The following KIAA1217 variants were observed in gnomAD, a reference collection of about 807,000 sequenced individuals.
The protein encoded by KIAA1217 is KIAA1217.
A neutral mutation model predicts 163.9 loss-of-function variants in KIAA1217; 88 were observed. The observed-to-expected ratio is 0.54, with a 90% CI of 0.45 to 0.64. The LOEUF is 0.64. Among genes scored for constraint, KIAA1217 ranks in the 30% least tolerant of loss-of-function variants. The pLI is 0.00. For missense variants in KIAA1217, 2,372 were observed against 2,475.0 expected, an observed-to-expected ratio of 0.96 and a Z score of 0.88; for synonymous variants, 903 against 923.1, an observed-to-expected ratio of 0.98 and a Z score of 0.39.
intron 3 of KIAA1217, among the ~76,000 whole-genome samples, chr10:24,398,410 G>A (rs3858214): frequency 0.027 from 4,094 of 152,174 alleles, 204 homozygotes; most frequent in African/African-American, 0.094. Flanking sequence ...GCAAATATCC[G>A]ACTTATTGGT....
At chr10:23,764,213 T>C (rs1381880412) in intron 1 of KIAA1217, among the ~76,000 whole-genome samples, 1 of 152,072 alleles carries the variant, frequency 6.6e-6, no homozygotes, top group African/African-American at 2.4e-5. Flanking sequence ...AAGCTGAACA[T>C]CACTGCTCAC....
intron 1 of KIAA1217, among the ~76,000 whole-genome samples, chr10:23,939,611 T>C (rs12354677): frequency 0.2 from 30,327 of 151,858 alleles, 3,303 homozygotes; most frequent in Middle Eastern, 0.27. Flanking sequence ...TACATGTTTA[T>C]ATGCACCTAA....
rs995074607 is a variant in KIAA1217 at position 24,395,364 on chromosome 10, C to A, written c.553+14297C>A. 3.3e-5 allele frequency among the ~76,000 whole-genome samples: 5 copies of A among 152,194 alleles called. No individual in the cohort carries two copies. In the South Asian group the frequency reaches 1.0e-3, roughly 31 times the overall value. ...GTAATCTTTTCTTATGCCTTTGTGC[C>A]ACTCTGCACATACATCCCAAGTTAC... is the stretch of plus-strand genomic sequence containing the variant. On this transcript the variant is annotated intron_variant, in intron 3 of 20. Transcript: ENST00000376454.
Position 24,158,861 on chromosome 10 carries a change from T to C in KIAA1217, c.-170-60765T>C, listed in dbSNP as rs1390638420. Reference sequence around the variant, plus strand: ...GAGTGCTGCTGGTTCCTTCGGTTAGTTATATAACTGTTCCTGCAGTATTGG... The same window carrying C: ...GAGTGCTGCTGGTTCCTTCGGTTAGCTATATAACTGTTCCTGCAGTATTGG... On this transcript the variant is annotated intron_variant, in intron 2 of 18. Transcript: ENST00000376462. The C allele has an allele frequency of 2.0e-5, 6 of 306,460 alleles. No individual in the cohort carries two copies. In the South Asian group the frequency reaches 2.2e-4, roughly 11 times the overall value. The allele number at this position is 306,460 out of a possible 1,614,324, so 19.0% of individuals were successfully genotyped here. A position where few individuals can be genotyped will look rare whatever the true frequency, so the allele number is the denominator to read the frequency against.
intron 1 of KIAA1217, among the ~76,000 whole-genome samples, chr10:23,849,307 A>G (rs193163876): frequency 6.6e-6 from 1 of 152,144 alleles, no homozygotes; most frequent in Non-Finnish European, 1.5e-5. Flanking sequence ...TTTTACTTAC[A>G]TAAGCAATCA....
In KIAA1217 at chr10:23,851,067, G is replaced by A. The variant is rs570651129; in HGVS notation, c.-321+155833G>A. Among the ~76,000 whole-genome samples, 298 of 152,108 alleles carry A rather than the reference G, an allele frequency of 2.0e-3. 1 individual carries two copies. The highest frequency in any genetic ancestry group is 6.7e-3 in the African/African-American group (280 of 41,496). On this transcript the variant is annotated intron_variant, in intron 1 of 18. Transcript: ENST00000376462. ...TAGGGTACATGGGCACAATGTGCAG[G>A]TTAGTTACATATGTATACATGTGCC...
chr10:23,823,991 AC>A (rs1172056378), intron 1 of KIAA1217, among the ~76,000 whole-genome samples: 5 of 151,824 alleles, frequency 3.3e-5, no homozygotes, highest in Non-Finnish European at 5.9e-5. Context: ...GGAGGGACAC[AC>A]CGGGCATGGT....
chr10:24,177,425 A>G (rs894466719), intron 2 of KIAA1217, among the ~76,000 whole-genome samples: 3 of 149,692 alleles, frequency 2.0e-5, no homozygotes, highest in African/African-American at 7.4e-5. Flanking sequence ...ATCAGTGGGC[A>G]TTTAGGCTGG....
At chr10:24,310,469 G>A (rs984909336) in intron 2 of KIAA1217, among the ~76,000 whole-genome samples, 3 of 152,198 alleles carry the variant, frequency 2.0e-5, no homozygotes, top group African/African-American at 7.2e-5. Context: ...ACCTGGGGTA[G>A]AACCCCAGAG....
At chr10:24,080,447 G>A (rs554754067) in intron 2 of KIAA1217, among the ~76,000 whole-genome samples, 8 of 152,206 alleles carry the variant, frequency 5.3e-5, no homozygotes, top group Admixed American at 3.3e-4. Context: ...GGATCCTTCC[G>A]GAAACAGCCA....
Position 24,432,977 on chromosome 10 carries a change from T to G in KIAA1217, c.554-18T>G. ...TGAGTCTTGACCTGTGACTAATAAC[T>G]GTTTCCTTTGTGTGCAGGGGTTCTC... On this transcript the variant is annotated intron_variant, in intron 3 of 20. Coordinates refer to ENST00000376454, the MANE Select transcript of KIAA1217 (RefSeq NM_019590.5). The G allele has an allele frequency of 6.2e-7, 1 of 1,610,788 alleles. No individual in the cohort carries two copies. Among genetic ancestry groups the G allele is most frequent in the Non-Finnish European group, 8.5e-7 (1 of 1,177,116 alleles).
chr10:24,531,958 G>A lies in KIAA1217; in HGVS notation c.3211G>A (p.Val1071Ile). The A allele has an allele frequency of 3.8e-6, 6 of 1,593,448 alleles. No homozygotes were observed. The East Asian group carries it at 1.4e-4, about 36-fold the overall frequency. ...GLTTTRSGDV[V>I]YTGRKENITA... The stretch of plus-strand genomic sequence containing the variant: ...CACCACCACGAGGTCAGGCGATGTG[G>A]TCTACACCGGCAGAAAGGAGAACAT... Residue 1071 changes from valine (V) to isoleucine (I), a missense_variant, in exon 15 of 21, where the codon GTC becomes ATC. Val to Ile is a conservative substitution (Grantham distance 29). Around this residue, in one of 3 missense-constraint regions of KIAA1217, gnomAD observed 1,431 missense variants for 1,470.3 expected, o/e 0.97. Coordinates refer to ENST00000376454, the MANE Select transcript of KIAA1217 (RefSeq NM_019590.5).
chr10:23,797,459 A>G (rs1047936950), intron 1 of KIAA1217, among the ~76,000 whole-genome samples: 10 of 152,208 alleles, frequency 6.6e-5, no homozygotes, highest in South Asian at 2.1e-4. Context: ...GTGTTTCTGT[A>G]TATTAGCCTG....
At position 24,330,732 on chromosome 10, in the gene KIAA1217, C is replaced by G. The variant is rs180949274; in HGVS notation, c.355-50137C>G. Among the ~76,000 whole-genome samples the G allele has an allele frequency of 2.8e-4, 42 of 152,192 alleles. 1 individual carries two copies. In the East Asian group the frequency reaches 6.6e-3, roughly 24 times the overall value. ...CCAAGCTCAAGCAATCCTCCCACCT[C>G]AGCCCCCAAGTAGCTGGGACTACAG... is the stretch of plus-strand genomic sequence containing the variant. On this transcript the variant is annotated intron_variant, in intron 2 of 20. Coordinates refer to ENST00000376454, the MANE Select transcript of KIAA1217 (RefSeq NM_019590.5).
In KIAA1217 at chr10:24,188,604, G is replaced by T. The variant is rs78266084; in HGVS notation, c.-170-31022G>T. Among the ~76,000 whole-genome samples, 189 of 152,292 alleles carry T rather than the reference G, an allele frequency of 1.2e-3. 3 individuals carry two copies. The East Asian group carries it at 0.027, about 22-fold the overall frequency. ...TGCTGCCTATTTCAGTTTATTCTTG[G>T]TGTTGTTCTAACTAAAATGGAATCT... On this transcript the variant is annotated intron_variant, in intron 2 of 18. Coordinates refer to the KIAA1217 transcript ENST00000376462.
chr10:23,856,382 A>G (rs971362088), intron 1 of KIAA1217, among the ~76,000 whole-genome samples: 2 of 152,188 alleles, frequency 1.3e-5, no homozygotes, highest in Non-Finnish European at 2.9e-5. Flanking sequence ...GTTTTGTCTC[A>G]GAAGAGTACC....
intron 2 of KIAA1217, among the ~76,000 whole-genome samples, chr10:24,324,767 G>A (rs551111485): frequency 1.4e-4 from 22 of 152,198 alleles, no homozygotes; most frequent in Middle Eastern, 3.4e-3. Context: ...GTTTAAAAAT[G>A]TGATGTTAAT....
intron 9 of KIAA1217, among the ~76,000 whole-genome samples, chr10:24,501,903 C>T (rs867916073): frequency 6.6e-5 from 10 of 151,788 alleles, no homozygotes; most frequent in Non-Finnish European, 1.3e-4. Flanking sequence ...CGCCCGCCAC[C>T]ACGCCCGGCT....
At chr10:24,158,490 T>C (rs905050808) in intron 2 of KIAA1217, 7 of 527,630 alleles carry the variant, frequency 1.3e-5, no homozygotes, top group Non-Finnish European at 2.7e-5. Flanking sequence ...AACTGCAGGC[T>C]CGGAAAGCCT....
Sources: gnomAD v4.1 joint callset for allele counts (sites outside exome capture counted in the v4.1 genomes callset) on GRCh38, gnomAD v4.1.1 for gene constraint, gnomAD v4.1.1 regional missense constraint, MANE v1.5 for transcripts, NCBI Gene and HGNC (gene_info 2026-07-23, HGNC 2026-07-21) for gene names.